Variants in ZNF410 observed in about 807,000 individuals in gnomAD.
ZNF410 encodes the protein another partner for ARF 1.
In ZNF410, 18 loss-of-function variants were observed where a neutral mutation model predicts 54.8. The ratio of observed to expected loss-of-function variants is 0.33; its 90% confidence interval spans 0.23 to 0.49. The LOEUF is 0.49. Among genes scored for constraint, ZNF410 ranks in the 20% least tolerant of loss-of-function variants. The probability of loss-of-function intolerance (pLI) is 0.99; values close to 1 mark genes in which losing one functional copy is unlikely to be tolerated. For missense variants in ZNF410, 405 were observed against 569.6 expected, an observed-to-expected ratio of 0.71 and a Z score of 2.94; for synonymous variants, 191 against 207.3, an observed-to-expected ratio of 0.92 and a Z score of 0.68.
Position 73,931,920 on chromosome 14 carries a change from A to G in ZNF410, c.*379A>G. 2.2e-6 allele frequency: 1 copy of G among 457,496 alleles called. No individual in the cohort carries two copies. The highest frequency in any genetic ancestry group is 4.4e-6 in the Non-Finnish European group (1 of 227,616). The allele number at this position is 457,496 out of a possible 1,614,324, so 28.3% of individuals were successfully genotyped here. ...CAGACTCAGCTGTCTTTTCACATGGATGAAATAATTCCTGCTACCAACAAC... is the reference window on the plus strand; with the variant it reads ...CAGACTCAGCTGTCTTTTCACATGGGTGAAATAATTCCTGCTACCAACAAC... On this transcript the variant is annotated 3_prime_UTR_variant, in exon 12 of 12. Transcript: ENST00000555044.
intron 3 of ZNF410, 75 bp from the exon 4 acceptor site, chr14:73,896,241 T>C: frequency 9.5e-7 from 1 of 1,050,528 alleles, no homozygotes; most frequent in Non-Finnish European, 1.5e-6. Flanking sequence ...CAAGAGATGT[T>C]GGGTGCTGTG....
intron 5 of ZNF410, 63 bp from the exon 6 acceptor site, chr14:73,903,897 G>A (rs57218552): frequency 6.3e-7 from 1 of 1,590,224 alleles, no homozygotes; most frequent in African/African-American, 1.4e-5. Flanking sequence ...GAGCTTTATT[G>A]TTTGAGCCTA....
chr14:73,904,239 T>C lies in ZNF410; in HGVS notation c.731+129T>C, dbSNP rs892374126. 6 of 881,966 alleles carry C rather than the reference T, an allele frequency of 6.8e-6. No homozygotes were observed. The African/African-American group carries it at 1.0e-4, about 15-fold the overall frequency. The allele number at this position is 881,966 out of a possible 1,614,324, so 54.6% of individuals were successfully genotyped here. A position where few individuals can be genotyped will look rare whatever the true frequency, so the allele number is the denominator to read the frequency against. Reference sequence around the variant, plus strand: ...CTCCAGTTAACTTCTGGTTAAGATATCTTTTTTTCTTTAATAGAAGGATTT... The same window carrying C: ...CTCCAGTTAACTTCTGGTTAAGATACCTTTTTTTCTTTAATAGAAGGATTT... On this transcript the variant is annotated intron_variant, in intron 6 of 11. Coordinates refer to ENST00000555044, the MANE Select transcript of ZNF410 (RefSeq NM_021188.3).
intron 8 of ZNF410, chr14:73,915,947 T>C (rs1318916220): frequency 3.3e-5 from 5 of 152,192 alleles, no homozygotes; most frequent in Non-Finnish European, 7.3e-5. Flanking sequence ...TTGTTAAGAA[T>C]TTTTACAGCT....
rs1406559724 is a variant in ZNF410, at chr14:73,904,914, C to G, written c.744C>G (p.Ser248=). The G allele has an allele frequency of 1.2e-6, 2 of 1,612,892 alleles. No individual in the cohort carries two copies. The highest frequency in any genetic ancestry group is 1.7e-6 in the Non-Finnish European group (2 of 1,179,706). Residue 248 remains serine (S), a synonymous_variant, in exon 7 of 12, where the codon TCC becomes TCG. Coordinates refer to ENST00000555044, the MANE Select transcript of ZNF410 (RefSeq NM_021188.3). ...ATTATTTTTGCAGAAATGACCGCTCCTTCATCTGTCCTGCAGAAGGTTGTG... is the reference window on the plus strand; with the variant it reads ...ATTATTTTTGCAGAAATGACCGCTCGTTCATCTGTCCTGCAGAAGGTTGTG... The part of the protein sequence containing the change: ...YHLKTHRNDR[S]FICPAEGCGK...
intron 3 of ZNF410, 93 bp from the exon 4 acceptor site, chr14:73,896,222 GT>G: frequency 1.2e-6 from 1 of 862,942 alleles, no homozygotes; most frequent in Non-Finnish European, 1.9e-6. Flanking sequence ...CTATAAGGAT[GT>G]TAGCTTCCAA....
At chr14:73,897,500 A>G (rs2140298577) in intron 4 of ZNF410, among the ~76,000 whole-genome samples, 1 of 152,286 alleles carries the variant, frequency 6.6e-6, no homozygotes, top group South Asian at 2.1e-4. Context: ...TTGAAGAATG[A>G]GAATGAAATA....
intron 3 of ZNF410, chr14:73,895,336 G>C (rs1022816764): frequency 4.6e-5 from 7 of 152,140 alleles, no homozygotes. Flanking sequence ...AGTTAGTACA[G>C]CCATTATGGA....
intron 8 of ZNF410, among the ~76,000 whole-genome samples, chr14:73,919,118 G>T (rs1329621877): frequency 7.2e-6 from 1 of 139,232 alleles, no homozygotes; most frequent in African/African-American, 2.7e-5. Flanking sequence ...CAATTCTCCT[G>T]CCTCAACCTC....
intron 8 of ZNF410, chr14:73,920,473 T>C (rs1282099701): frequency 6.5e-6 from 1 of 153,700 alleles, no homozygotes; most frequent in African/African-American, 2.4e-5. Context: ...AGTATGGTTT[T>C]CTGGGTAGGT....
intron 11 of ZNF410, among the ~76,000 whole-genome samples, chr14:73,928,528 A>G (rs1207825955): frequency 6.6e-6 from 1 of 152,224 alleles, no homozygotes; most frequent in African/African-American, 2.4e-5. Context: ...CAGAATATCC[A>G]GTAATAGTAC....
At chr14:73,893,655 C>CT in intron 2 of ZNF410, 142 bp from the exon 3 acceptor site, 1 of 924,902 alleles carries the variant, frequency 1.1e-6, no homozygotes, top group Non-Finnish European at 1.5e-6. Context: ...GATAAAATAA[C>CT]TTTAGATATT....
At chr14:73,902,920 G>C (rs72627125) in intron 5 of ZNF410, among the ~76,000 whole-genome samples, 23,345 of 152,020 alleles carry the variant, frequency 0.15, 2,362 homozygotes, top group East Asian at 0.49. Context: ...TTTAAAATGT[G>C]GTTAGAAATT....
At chr14:73,897,326 T>A (rs1437650384) in intron 4 of ZNF410, among the ~76,000 whole-genome samples, 1 of 152,052 alleles carries the variant, frequency 6.6e-6, no homozygotes, top group Non-Finnish European at 1.5e-5. Flanking sequence ...GGGAAGAAGG[T>A]AAATAGCTAG....
intron 5 of ZNF410, among the ~76,000 whole-genome samples, chr14:73,899,222 A>G (rs549500453): frequency 2.8e-4 from 43 of 152,066 alleles, no homozygotes; most frequent in African/African-American, 9.4e-4. Flanking sequence ...ATAGAGAACT[A>G]GAGTTCCCTA....
chr14:73,896,529 G>A lies in ZNF410; in HGVS notation c.383G>A (p.Arg128Lys), dbSNP rs780405202. 1.9e-6 allele frequency: 3 copies of A among 1,613,562 alleles called. No individual in the cohort carries two copies. The African/African-American group carries it at 4.0e-5, about 22-fold the overall frequency. ...TCTTTTATTCTTCTTAACCTAACAA[G>A]AGCAGGTATTCTTTCCTTTTTTTTG... Reference protein sequence around the residue: ...STSFILLNLTRAGLGSSAEHL... With the variant: ...STSFILLNLTKAGLGSSAEHL... The change falls in exon 4 of 12, where the codon AGA becomes AAA. Residue 128 changes from arginine to lysine, a missense_variant. Arg to Lys is a conservative substitution (Grantham distance 26). Around this residue, in one of 3 missense-constraint regions of ZNF410, gnomAD observed 247 missense variants for 342.8 expected, o/e 0.72. Transcript: ENST00000555044.
chr14:73,900,679 A>G (rs958801131), intron 5 of ZNF410, among the ~76,000 whole-genome samples: 4 of 152,172 alleles, frequency 2.6e-5, no homozygotes, highest in African/African-American at 9.6e-5. Flanking sequence ...GTGGTCCCAC[A>G]TATACATTTT....
At chr14:73,909,107 G>A (rs1183215690) in intron 7 of ZNF410, among the ~76,000 whole-genome samples, 2 of 152,206 alleles carry the variant, frequency 1.3e-5, no homozygotes, top group Non-Finnish European at 1.5e-5. Flanking sequence ...CCAGGAGGGA[G>A]AAGGAAATAT....
At chr14:73,908,616 A>G (rs2055528197) in intron 7 of ZNF410, among the ~76,000 whole-genome samples, 1 of 152,044 alleles carries the variant, frequency 6.6e-6, no homozygotes, top group South Asian at 2.1e-4. Flanking sequence ...CTTACTAGCC[A>G]TTTTCTGAAC....
Sources: gnomAD v4.1 joint callset for allele counts (sites outside exome capture counted in the v4.1 genomes callset) on GRCh38, gnomAD v4.1.1 for gene constraint, gnomAD v4.1.1 regional missense constraint, MANE v1.5 for transcripts, NCBI Gene and HGNC (gene_info 2026-07-23, HGNC 2026-07-21) for gene names.